The following RGS22 variants were observed in gnomAD, a reference collection of about 807,000 sequenced individuals.
The protein encoded by RGS22 is regulator of G protein signaling 22.
Under a neutral mutation model 172.9 loss-of-function variants are expected in RGS22, and 148 were observed. The observed-to-expected ratio is 0.86, with a 90% CI of 0.75 to 0.98. The LOEUF is 0.98. Among genes scored for constraint, RGS22 ranks in the 50% least tolerant of loss-of-function variants. The pLI is 0.00. For missense variants in RGS22, 1,347 were observed against 1,440.8 expected (o/e 0.93, Z 1.05); for synonymous variants, 458 against 480.2 (o/e 0.95, Z 0.60).
At chr8:100,077,742 T>C (rs531981770) in intron 4 of RGS22, among the ~76,000 whole-genome samples, 3 of 152,344 alleles carry the variant, frequency 2.0e-5, no homozygotes, top group East Asian at 1.9e-4. Context: ...ATTTACTTGG[T>C]TGCTAGTGTT....
At chr8:100,014,482 A>G (rs1419287982) in intron 14 of RGS22, among the ~76,000 whole-genome samples, 1 of 152,210 alleles carries the variant, frequency 6.6e-6, no homozygotes, top group Non-Finnish European at 1.5e-5. Context: ...AAAGATCACT[A>G]AAAACCACAT....
At chr8:100,104,129 G>A (rs979256503) in intron 2 of RGS22, among the ~76,000 whole-genome samples, 2 of 152,142 alleles carry the variant, frequency 1.3e-5, no homozygotes, top group Non-Finnish European at 2.9e-5. Flanking sequence ...ACTGGCCTGG[G>A]CAACATGGTG....
chr8:100,039,020 T>C lies in RGS22; in HGVS notation c.2077A>G (p.Ser693Gly). ...EHSGNKLWKN[S>G]VYFWFDLQAY... The stretch of plus-strand genomic sequence containing the variant: ...TGCAGGTCAAACCAAAAGTACACAC[T>C]GTTCTTCCACAACTACAGATGGAAA... Residue 693 changes from serine to glycine, a missense_variant, in exon 14 of 28, where the codon AGT (serine) becomes GGT (glycine). Physicochemically the swap from Ser to Gly is moderately conservative, Grantham distance 56 (BLOSUM62 0). Coordinates refer to ENST00000360863, the MANE Select transcript of RGS22 (RefSeq NM_015668.5). 1.9e-6 allele frequency: 3 copies of C among 1,601,834 alleles called. No homozygotes were observed. Among genetic ancestry groups the C allele is most frequent in the South Asian group, 1.1e-5 (1 of 89,658 alleles).
At chr8:99,971,748 C>T (rs1224894784) in intron 23 of RGS22, among the ~76,000 whole-genome samples, 1 of 152,152 alleles carries the variant, frequency 6.6e-6, no homozygotes, top group Non-Finnish European at 1.5e-5. Flanking sequence ...AATGGAAAAA[C>T]ATTCCATGCT....
intron 21 of RGS22, among the ~76,000 whole-genome samples, chr8:99,984,632 T>C (rs910250684): frequency 5.9e-5 from 9 of 152,194 alleles, no homozygotes; most frequent in African/African-American, 2.2e-4. Context: ...ACTCTTATAA[T>C]TGCCTTGTCT....
At chr8:100,050,255 G>T (rs1431568585) in intron 10 of RGS22, among the ~76,000 whole-genome samples, 1 of 152,082 alleles carries the variant, frequency 6.6e-6, no homozygotes, top group African/African-American at 2.4e-5. Flanking sequence ...TTAATAAGTT[G>T]CAGGTTCTAA....
chr8:99,962,882 T>C lies in RGS22; in HGVS notation c.3709+3A>G. ...AAACTTGTAGGCAGAAGGCAAAAATTACCTGCAAACAACTTTTTTTCTAGT... is the reference window on the plus strand; with the variant it reads ...AAACTTGTAGGCAGAAGGCAAAAATCACCTGCAAACAACTTTTTTTCTAGT... On this transcript the variant is annotated splice_donor_region_variant and intron_variant, in intron 25 of 27. Coordinates refer to ENST00000360863, the MANE Select transcript of RGS22 (RefSeq NM_015668.5). The C allele has an allele frequency of 6.3e-7, 1 of 1,592,442 alleles. No homozygotes were observed. The highest frequency in any genetic ancestry group is 1.2e-5 in the South Asian group (1 of 85,800).
intron 20 of RGS22, among the ~76,000 whole-genome samples, chr8:99,989,849 T>C (rs1012860928): frequency 9.6e-5 from 14 of 145,452 alleles, no homozygotes; most frequent in Middle Eastern, 3.2e-3. Context: ...TGTCTCTAGA[T>C]AGATAGACAG....
intron 20 of RGS22, among the ~76,000 whole-genome samples, chr8:99,990,241 T>C (rs1317688931): frequency 5.3e-5 from 8 of 152,120 alleles, no homozygotes; most frequent in African/African-American, 1.7e-4. Context: ...TACTGCACGG[T>C]AGCCTGGGCA....
intron 27 of RGS22, among the ~76,000 whole-genome samples, chr8:99,962,087 T>G (rs1810263425): frequency 6.6e-6 from 1 of 151,806 alleles, no homozygotes; most frequent in Non-Finnish European, 1.5e-5. Flanking sequence ...AATTTTAAGT[T>G]CCTTCTAATA....
At chr8:100,007,839 G>C (rs1282334750) in intron 15 of RGS22, among the ~76,000 whole-genome samples, 5 of 150,144 alleles carry the variant, frequency 3.3e-5, no homozygotes, top group African/African-American at 9.8e-5. Context: ...GACAGAGCGA[G>C]ACTCTGACTC....
chr8:100,044,791 G>A (rs1259164127), intron 11 of RGS22, among the ~76,000 whole-genome samples: 2 of 151,974 alleles, frequency 1.3e-5, no homozygotes, highest in African/African-American at 2.4e-5. Flanking sequence ...CCACTGAAGT[G>A]TAATGCTTCC....
intron 14 of RGS22, among the ~76,000 whole-genome samples, chr8:100,035,937 A>G (rs978535973): frequency 3.3e-5 from 5 of 152,156 alleles, no homozygotes; most frequent in African/African-American, 7.2e-5. Context: ...GGCAGAGAAC[A>G]TCACACACTG....
chr8:99,965,261 A>G (rs1348024276), intron 24 of RGS22, 74 bp downstream of exon 24: 3 of 950,880 alleles, frequency 3.2e-6, no homozygotes, highest in Admixed American at 3.5e-5. Flanking sequence ...GTACTGTACA[A>G]TGACTGAGTT....
intron 14 of RGS22, among the ~76,000 whole-genome samples, chr8:100,033,493 C>T (rs1199250382): frequency 1.3e-5 from 2 of 150,058 alleles, no homozygotes; most frequent in African/African-American, 4.9e-5. Flanking sequence ...CTGAATAGAC[C>T]AATAACAGGC....
chr8:100,044,132 G>A (rs1425922181), intron 11 of RGS22, among the ~76,000 whole-genome samples: 1 of 152,182 alleles, frequency 6.6e-6, no homozygotes, highest in Non-Finnish European at 1.5e-5. Flanking sequence ...GGATTCACTG[G>A]TGAACTCTAT....
intron 14 of RGS22, among the ~76,000 whole-genome samples, chr8:100,014,264 C>T (rs372043208): frequency 4.1e-4 from 63 of 152,336 alleles, no homozygotes; most frequent in African/African-American, 1.3e-3. Context: ...TGCCTTGTTT[C>T]TTTAATCTAC....
In RGS22 at chr8:100,092,526, T is replaced by C. The variant is rs527842433; in HGVS notation, c.117+921A>G. ...GAGTGGGTTGGTTATCAAGAGAGTG[T>C]TATAAAACTTGTTTAAAGTTTGTTA... On this transcript the variant is annotated intron_variant, in intron 3 of 27. Coordinates refer to ENST00000360863, the MANE Select transcript of RGS22 (RefSeq NM_015668.5). Among the ~76,000 whole-genome samples the C allele has an allele frequency of 3.3e-5, 5 of 152,282 alleles. No homozygotes were observed. The East Asian group carries it at 9.6e-4, about 29-fold the overall frequency.
intron 10 of RGS22, 90 bp from the exon 11 acceptor site, chr8:100,047,686 G>T: frequency 1.6e-6 from 2 of 1,216,484 alleles, no homozygotes; most frequent in Admixed American, 3.0e-5. Flanking sequence ...CATCACTCGA[G>T]TACTTTTTCT....
Sources: allele counts gnomAD v4.1 joint callset (sites outside exome capture counted in the v4.1 genomes callset), GRCh38; gene constraint gnomAD v4.1.1; transcripts MANE v1.5; gene names NCBI Gene and HGNC (gene_info 2026-07-23, HGNC 2026-07-21).